Variants in NTMT2 observed in about 807,000 individuals in gnomAD.
NTMT2 encodes X-Pro-Lys N-terminal protein methyltransferase 1B.
A neutral mutation model predicts 23.4 loss-of-function variants in NTMT2; 21 were observed. That is an observed-to-expected ratio of 0.90 (90% CI 0.64 to 1.29). The LOEUF (loss-of-function observed/expected upper bound fraction) is 1.29. NTMT2 is among the 50% of genes most tolerant of loss of function. NTMT2 has a pLI of 0.00. For missense variants in NTMT2, 336 were observed against 352.0 expected (o/e 0.95, Z 0.36); for synonymous variants, 131 against 127.7 (o/e 1.03, Z -0.17).
intron 3 of NTMT2, among the ~76,000 whole-genome samples, chr1:170,167,204 G>C (rs150800629): frequency 2.2e-4 from 33 of 152,290 alleles, no homozygotes; most frequent in Admixed American, 1.4e-3. Flanking sequence ...TTCTCCAGGG[G>C]ACATGGAGGG....
intron 1 of NTMT2, among the ~76,000 whole-genome samples, chr1:170,159,866 C>T (rs1056011855): frequency 6.6e-6 from 1 of 152,194 alleles, no homozygotes; most frequent in African/African-American, 2.4e-5. Flanking sequence ...TTTTCTTATA[C>T]ATTTTTGAAA....
chr1:170,154,203 G>T (rs1673121302), intron 1 of NTMT2, among the ~76,000 whole-genome samples: 1 of 152,142 alleles, frequency 6.6e-6, no homozygotes, highest in Non-Finnish European at 1.5e-5. Flanking sequence ...GGATTTCAGA[G>T]AATGTATGGG....
At chr1:170,160,266 C>A (rs1004895285) in intron 1 of NTMT2, among the ~76,000 whole-genome samples, 3 of 152,080 alleles carry the variant, frequency 2.0e-5, no homozygotes, top group East Asian at 3.9e-4. Context: ...GTTATTAAGT[C>A]ATGAAAATGC....
intron 2 of NTMT2, among the ~76,000 whole-genome samples, chr1:170,162,188 T>C (rs1673287572): frequency 1.3e-5 from 2 of 152,172 alleles, no homozygotes; most frequent in African/African-American, 4.8e-5. Flanking sequence ...CTATTAAAGA[T>C]GAAAAGTTCT....
At position 170,168,642 on chromosome 1, in the gene NTMT2, G is replaced by T. The variant is rs1047044408; in HGVS notation, c.*885G>T. Reference sequence around the variant, plus strand: ...GTATCTCCTTTCAGGAGAAAATGTTGTGCCCTGAAATTTCAACCTTTAACA... The same window carrying T: ...GTATCTCCTTTCAGGAGAAAATGTTTTGCCCTGAAATTTCAACCTTTAACA... On this transcript the variant is annotated 3_prime_UTR_variant, in exon 4 of 4. Coordinates refer to ENST00000439373, the MANE Select transcript of NTMT2 (RefSeq NM_001136107.2). Among the ~76,000 whole-genome samples, 19 of 152,196 alleles carry T rather than the reference G, an allele frequency of 1.2e-4. No individual in the cohort carries two copies. Among genetic ancestry groups the T allele is most frequent in the African/African-American group, 1.9e-4 (8 of 41,448 alleles).
At chr1:170,147,698 A>G (rs1212133176) in intron 1 of NTMT2, among the ~76,000 whole-genome samples, 2 of 152,214 alleles carry the variant, frequency 1.3e-5, no homozygotes, top group African/African-American at 4.8e-5. Flanking sequence ...AAAGATATCA[A>G]TTACAACAGC....
At chr1:170,155,758 A>G (rs1388019812) in intron 1 of NTMT2, among the ~76,000 whole-genome samples, 2 of 152,146 alleles carry the variant, frequency 1.3e-5, no homozygotes, top group South Asian at 2.1e-4. Context: ...GCACTTAGCT[A>G]TCAACAAAAC....
Position 170,166,528 on chromosome 1 carries a change from C to A in NTMT2, c.357C>A (p.Cys119Ter), listed in dbSNP as rs6427234. The A allele has an allele frequency of 4.5e-6, 7 of 1,551,880 alleles. No individual in the cohort carries two copies. The African/African-American group carries it at 5.5e-5, about 12-fold the overall frequency. Reference protein sequence around the residue: ...VGGPGRAGTDCALDCGSGIGR... With the variant: ...VGGPGRAGTD The stretch of plus-strand genomic sequence containing the variant: ...GGCCTGGGAGAGCTGGAACAGACTG[C>A]GCCTTGGACTGCGGCTCCGGGATAG... Residue 119 changes from cysteine to a stop codon, truncating the protein, a stop_gained, in exon 3 of 4, where the codon TGC becomes TGA. Transcript: ENST00000439373. LOFTEE classifies it high-confidence loss of function.
chr1:170,162,118 A>G (rs1673286007), intron 2 of NTMT2, among the ~76,000 whole-genome samples: 1 of 152,176 alleles, frequency 6.6e-6, no homozygotes, highest in African/African-American at 2.4e-5. Flanking sequence ...ACAAACAAAC[A>G]AAGCAAAGCA....
At chr1:170,153,590 T>C (rs1673110615) in intron 1 of NTMT2, among the ~76,000 whole-genome samples, 1 of 152,216 alleles carries the variant, frequency 6.6e-6, no homozygotes, top group Non-Finnish European at 1.5e-5. Flanking sequence ...GTCCTAGGGA[T>C]CTCTGGAAGA....
intron 1 of NTMT2, among the ~76,000 whole-genome samples, chr1:170,159,964 T>C (rs1159569850): frequency 6.6e-6 from 1 of 152,238 alleles, no homozygotes; most frequent in Non-Finnish European, 1.5e-5. Flanking sequence ...TTTCCTTTAT[T>C]ATTTTATTTT....
intron 2 of NTMT2, 118 bp from the exon 3 acceptor site, chr1:170,166,384 G>C: frequency 9.8e-7 from 1 of 1,023,700 alleles, no homozygotes; most frequent in Non-Finnish European, 1.4e-6. Context: ...CTCGTGATCC[G>C]CCCGCCTCGG....
At chr1:170,154,857 C>T (rs1302920505) in intron 1 of NTMT2, among the ~76,000 whole-genome samples, 1 of 152,074 alleles carries the variant, frequency 6.6e-6, no homozygotes, top group Non-Finnish European at 1.5e-5. Flanking sequence ...TTGTCCCATC[C>T]AAATCTCATG....
At chr1:170,156,722 C>T (rs997312578) in intron 1 of NTMT2, among the ~76,000 whole-genome samples, 3 of 151,626 alleles carry the variant, frequency 2.0e-5, no homozygotes, top group African/African-American at 7.3e-5. Context: ...CATGACACCT[C>T]ATATATCTTT....
chr1:170,158,911 G>C (rs1673214896), intron 1 of NTMT2, among the ~76,000 whole-genome samples: 1 of 151,762 alleles, frequency 6.6e-6, no homozygotes, highest in Non-Finnish European at 1.5e-5. Context: ...TCTCTTCAAA[G>C]ATTTATGAGT....
At chr1:170,148,097 C>G (rs892597628) in intron 1 of NTMT2, among the ~76,000 whole-genome samples, 2 of 150,524 alleles carry the variant, frequency 1.3e-5, no homozygotes, top group Non-Finnish European at 2.9e-5. Context: ...AGGACCCTTT[C>G]CTTGGTCTAT....
chr1:170,159,713 A>T (rs1673234786), intron 1 of NTMT2, among the ~76,000 whole-genome samples: 1 of 152,098 alleles, frequency 6.6e-6, no homozygotes, highest in Non-Finnish European at 1.5e-5. Context: ...CTTGAACCAG[A>T]AGTTCCATCC....
intron 2 of NTMT2, among the ~76,000 whole-genome samples, chr1:170,166,140 C>CTTTTTTTTTTTTTTCT (rs1673377473): frequency 1.5e-5 from 1 of 67,792 alleles, no homozygotes; most frequent in African/African-American, 4.5e-5. Flanking sequence ...TTTTTTTTTT[C>CTTTTTTTTTTTTTTCT]TTTTTTTTTT....
intron 1 of NTMT2, among the ~76,000 whole-genome samples, chr1:170,149,279 G>A (rs192374452): frequency 3.1e-4 from 47 of 152,316 alleles, no homozygotes; most frequent in Non-Finnish European, 4.7e-4. Flanking sequence ...TTTTTTTGTA[G>A]CTTTTTCCTC....
Sources: allele counts gnomAD v4.1 joint callset (sites outside exome capture counted in the v4.1 genomes callset), GRCh38; gene constraint gnomAD v4.1.1; transcripts MANE v1.5; gene names NCBI Gene and HGNC (gene_info 2026-07-23, HGNC 2026-07-21).